The following PLXNA2 variants were observed in gnomAD, a reference collection of about 807,000 sequenced individuals.
The protein encoded by PLXNA2 is plexin-A2.
A neutral mutation model predicts 193.5 loss-of-function variants in PLXNA2; 91 were observed. That is an observed-to-expected ratio of 0.47 (90% CI 0.40 to 0.56). The LOEUF (loss-of-function observed/expected upper bound fraction) is 0.56. Ranked by LOEUF, PLXNA2 falls within the 20% of genes least tolerant of loss-of-function variation. The probability of loss-of-function intolerance (pLI) is 0.00; values close to 1 mark genes in which losing one functional copy is unlikely to be tolerated. For synonymous variants in PLXNA2, 997 were observed against 1,027.3 expected, an observed-to-expected ratio of 0.97 and a Z score of 0.56; for missense variants, 1,995 against 2,503.2, an observed-to-expected ratio of 0.80 and a Z score of 4.33.
chr1:208,182,727 G>A (rs1471112053), intron 3 of PLXNA2, among the ~76,000 whole-genome samples: 2 of 151,976 alleles, frequency 1.3e-5, no homozygotes, highest in Non-Finnish European at 2.9e-5. Context: ...GGGTTTGAAG[G>A]GCAGCCTTTC....
At chr1:208,056,376 A>C (rs1288261629) in intron 13 of PLXNA2, among the ~76,000 whole-genome samples, 1 of 152,220 alleles carries the variant, frequency 6.6e-6, no homozygotes, top group Non-Finnish European at 1.5e-5. Context: ...GATCTTAGAG[A>C]AGAAAAGGAG....
At chr1:208,080,507 G>A (rs973334704) in intron 11 of PLXNA2, among the ~76,000 whole-genome samples, 2 of 152,172 alleles carry the variant, frequency 1.3e-5, no homozygotes, top group African/African-American at 4.8e-5. Flanking sequence ...GCACATGTAA[G>A]CTTTCAGGAC....
At chr1:208,156,658 T>A (rs144374853) in intron 3 of PLXNA2, among the ~76,000 whole-genome samples, 10 of 152,358 alleles carry the variant, frequency 6.6e-5, no homozygotes, top group African/African-American at 1.7e-4. Context: ...TGTTAACATC[T>A]TACTGTCTGT....
intron 3 of PLXNA2, among the ~76,000 whole-genome samples, chr1:208,157,428 A>G (rs914895352): frequency 3.3e-5 from 5 of 152,198 alleles, no homozygotes; most frequent in Admixed American, 3.3e-4. Context: ...TTTGTACCCT[A>G]TGAATCTGTA....
In PLXNA2 at chr1:208,098,432, CCTCTCTCT is replaced by C. The variant is rs200790325; in HGVS notation, c.1731+406_1731+413del. Among the ~76,000 whole-genome samples the C allele has an allele frequency of 7.8e-4, 107 of 137,348 alleles. 1 individual carries two copies. The highest frequency in any genetic ancestry group is 7.2e-3 in the Middle Eastern group (2 of 278). 90.1% of individuals were successfully genotyped at this position (137,348 alleles called of 152,430 possible). A position where few individuals can be genotyped will look rare whatever the true frequency, so the allele number is the denominator to read the frequency against. Reference sequence around the variant, plus strand: ...AGTCTCTTTCTTGCTCTTATTCTTTCCTCTCTCTCTCTCTCTCTCTCTCTCTCACACAC... The same window carrying C: ...AGTCTCTTTCTTGCTCTTATTCTTTCCTCTCTCTCTCTCTCTCTCACACAC... On this transcript the variant is annotated intron_variant, in intron 6 of 31. Transcript: ENST00000367033.
intron 3 of PLXNA2, among the ~76,000 whole-genome samples, chr1:208,145,311 C>T (rs1438451614): frequency 6.6e-6 from 1 of 152,190 alleles, no homozygotes; most frequent in Non-Finnish European, 1.5e-5. Context: ...AGATTTAAGC[C>T]TCCTCAAGGT....
chr1:208,045,858 C>T lies in PLXNA2; in HGVS notation c.3495+20G>A, dbSNP rs1665045324. The T allele has an allele frequency of 1.2e-6, 2 of 1,613,476 alleles. No homozygotes were observed. The highest frequency in any genetic ancestry group is 1.7e-4 in the Middle Eastern group (1 of 6,054). On this transcript the variant is annotated intron_variant, in intron 18 of 31. Coordinates refer to ENST00000367033, the MANE Select transcript of PLXNA2 (RefSeq NM_025179.4). ...GCATTGCTGCCCCTGGTGGCACTGC[C>T]CTCTGGCGGGCACTCCTACCTTCAG...
At chr1:208,203,761 A>T (rs2102587692) in intron 3 of PLXNA2, among the ~76,000 whole-genome samples, 1 of 152,326 alleles carries the variant, frequency 6.6e-6, no homozygotes, top group Middle Eastern at 3.4e-3. Context: ...AGTTTCCTAC[A>T]TCTGTAAAAT....
At chr1:208,077,728 C>A (rs892030427) in intron 12 of PLXNA2, among the ~76,000 whole-genome samples, 9 of 152,150 alleles carry the variant, frequency 5.9e-5, no homozygotes, top group African/African-American at 1.9e-4. Context: ...CACCAACAGC[C>A]CCTGCAAACA....
At chr1:208,128,562 A>G (rs1185863842) in intron 4 of PLXNA2, among the ~76,000 whole-genome samples, 2 of 152,176 alleles carry the variant, frequency 1.3e-5, no homozygotes, top group African/African-American at 4.8e-5. Context: ...ATTTGAATAC[A>G]ATTCTAATTG....
chr1:208,122,602 C>G (rs1667838900), intron 4 of PLXNA2, among the ~76,000 whole-genome samples: 1 of 152,116 alleles, frequency 6.6e-6, no homozygotes, highest in African/African-American at 2.4e-5. Flanking sequence ...CCCCTTTCAG[C>G]TTCCTAGGGT....
At chr1:208,136,875 T>C (rs965559564) in intron 4 of PLXNA2, among the ~76,000 whole-genome samples, 3 of 152,184 alleles carry the variant, frequency 2.0e-5, no homozygotes, top group African/African-American at 7.2e-5. Flanking sequence ...CTAGTAATAA[T>C]AATTACCACC....
At chr1:208,105,082 C>G (rs896964771) in intron 4 of PLXNA2, among the ~76,000 whole-genome samples, 9 of 152,170 alleles carry the variant, frequency 5.9e-5, no homozygotes, top group Non-Finnish European at 8.8e-5. Flanking sequence ...AAGCCACCCC[C>G]CACTGTGGAG....
intron 3 of PLXNA2, among the ~76,000 whole-genome samples, chr1:208,175,280 T>C (rs1669625916): frequency 6.6e-6 from 1 of 151,768 alleles, no homozygotes; most frequent in Non-Finnish European, 1.5e-5. Context: ...AAAGCGTGAG[T>C]CTTCCTACAT....
intron 13 of PLXNA2, among the ~76,000 whole-genome samples, chr1:208,057,165 A>G (rs573673638): frequency 6.6e-6 from 1 of 152,268 alleles, no homozygotes; most frequent in African/African-American, 2.4e-5. Flanking sequence ...TCTGCCAGGC[A>G]CTCTACAAGA....
intron 21 of PLXNA2, 61 bp downstream of exon 21, chr1:208,043,000 T>A: frequency 6.3e-7 from 1 of 1,577,804 alleles, no homozygotes; most frequent in Non-Finnish European, 8.7e-7. Context: ...CATCTGGATT[T>A]CCTAGGATAC....
intron 22 of PLXNA2, among the ~76,000 whole-genome samples, chr1:208,041,840 G>C (rs1664880433): frequency 6.6e-6 from 1 of 152,200 alleles, no homozygotes; most frequent in African/African-American, 2.4e-5. Context: ...AGGAGGCAGA[G>C]CTGGGACTCC....
At chr1:208,052,986 T>G (rs1665313460) in intron 14 of PLXNA2, among the ~76,000 whole-genome samples, 1 of 152,012 alleles carries the variant, frequency 6.6e-6, no homozygotes, top group Non-Finnish European at 1.5e-5. Flanking sequence ...TCAGTAAATG[T>G]TAGGATGGCT....
chr1:208,216,459 T>C (rs948526922), intron 2 of PLXNA2, among the ~76,000 whole-genome samples: 1 of 152,212 alleles, frequency 6.6e-6, no homozygotes, highest in East Asian at 1.9e-4. Flanking sequence ...GGTTGTATGG[T>C]TCACAGCTGA....
Sources: allele counts gnomAD v4.1 joint callset (sites outside exome capture counted in the v4.1 genomes callset), GRCh38; gene constraint gnomAD v4.1.1; transcripts MANE v1.5; gene names NCBI Gene and HGNC (gene_info 2026-07-23, HGNC 2026-07-21).